FDFT1: variants seen among roughly 807,000 people sequenced by gnomAD.
The protein encoded by FDFT1 is farnesyl-diphosphate farnesyltransferase 1.
FDFT1 carries 68 observed loss-of-function variants against 46.8 expected under a neutral mutation model. The ratio of observed to expected loss-of-function variants is 1.45; its 90% CI spans 1.19 to 1.78. The LOEUF is 1.78. FDFT1 is among the 40% of genes most tolerant of loss of function. The pLI, the probability that FDFT1 is intolerant of heterozygous loss-of-function variation, is 0.00. For missense variants in FDFT1, 928 were observed against 524.4 expected, an observed-to-expected ratio of 1.77 and a Z score of -7.52; for synonymous variants, 351 against 185.1, an observed-to-expected ratio of 1.90 and a Z score of -7.28.
At chr8:11,798,997 G>T (rs1407679195), upstream of FDFT1, among the ~76,000 whole-genome samples, 1 of 152,222 alleles carries the variant, frequency 6.6e-6, no homozygotes, top group Non-Finnish European at 1.5e-5. Context: ...TGCTGACTGG[G>T]TTGGCTAAAC....
intron 7 of FDFT1, among the ~76,000 whole-genome samples, chr8:11,836,152 T>TA (rs34824501): frequency 0.49 from 70,905 of 143,536 alleles, 17,516 homozygotes; most frequent in South Asian, 0.57. Flanking sequence ...GACACCATCT[T>TA]AAAAAAAAAA....
intron 1 of FDFT1, 41 bp downstream of exon 1, chr8:11,802,972 C>A: frequency 6.4e-7 from 1 of 1,560,664 alleles, no homozygotes; most frequent in Non-Finnish European, 8.7e-7. Flanking sequence ...GGGGAAGGAG[C>A]TCGCTGGGCC....
At chr8:11,815,157 T>C (rs1808277521) in intron 3 of FDFT1, among the ~76,000 whole-genome samples, 1 of 152,202 alleles carries the variant, frequency 6.6e-6, no homozygotes, top group South Asian at 2.1e-4. Context: ...CTCAGAATGA[T>C]GATTTCCAGC....
chr8:11,826,408 G>T (rs966293496), intron 5 of FDFT1, among the ~76,000 whole-genome samples, 193 bp downstream of exon 5: 1 of 152,196 alleles, frequency 6.6e-6, no homozygotes, highest in African/African-American at 2.4e-5. Flanking sequence ...TTCACACCAC[G>T]TAATCAGTAT....
chr8:11,836,739 G>A (rs1415903127), intron 7 of FDFT1, among the ~76,000 whole-genome samples: 1 of 152,244 alleles, frequency 6.6e-6, no homozygotes, highest in African/African-American at 2.4e-5. Flanking sequence ...ATGGATGCTT[G>A]TATTGAAAAG....
Position 11,831,378 on chromosome 8 carries a change from A to G in FDFT1, c.880-140A>G, listed in dbSNP as rs142720289. On this transcript the variant is annotated intron_variant, in intron 6 of 7. Transcript: ENST00000220584. ...ATCTTGACATACTTTCTTCGTGGGT[A>G]TTTTTTCTTGAGCGATTCCATCTTA... is the stretch of plus-strand genomic sequence containing the variant. 6.5e-4 allele frequency: 442 copies of G among 675,356 alleles called. 5 individuals are homozygous for G. In the East Asian group the frequency reaches 0.011, roughly 17 times the overall value. 41.8% of individuals were successfully genotyped at this position (675,356 alleles called of 1,614,324 possible).
intron 5 of FDFT1, among the ~76,000 whole-genome samples, chr8:11,827,837 C>T (rs58181209): frequency 0.014 from 2,181 of 151,594 alleles, 68 homozygotes; most frequent in African/African-American, 0.051. Context: ...GCCAGGATAT[C>T]GAGACCAGCC....
rs1161575022 is a variant in FDFT1, at chr8:11,838,594, G to C, written c.1239G>C (p.Gln413His). ...TLSQVTEDYV[Q>H]TGEH is the part of the protein sequence containing the mutation. ...CCCAGGTAACAGAAGACTATGTTCA[G>C]ACTGGAGAACACTGATCCCAAATTT... The change falls in exon 8 of 8, where the codon CAG (glutamine) becomes CAC (histidine). Residue 413 changes from glutamine (Q) to histidine (H), a missense_variant. Gln to His is a conservative substitution (Grantham distance 24). Coordinates refer to ENST00000220584, the MANE Select transcript of FDFT1 (RefSeq NM_004462.5). The C allele has an allele frequency of 1.9e-6, 3 of 1,613,764 alleles. No individual in the cohort carries two copies. The highest frequency in any genetic ancestry group is 1.3e-5 in the African/African-American group (1 of 74,930).
chr8:11,837,939 G>C (rs777499463), intron 7 of FDFT1, among the ~76,000 whole-genome samples: 1 of 152,182 alleles, frequency 6.6e-6, no homozygotes, highest in Admixed American at 6.5e-5. Flanking sequence ...TTCTGTTCCT[G>C]TCCCCCTTTG....
chr8:11,807,083 C>A (rs572812757), intron 1 of FDFT1, among the ~76,000 whole-genome samples: 68 of 117,350 alleles, frequency 5.8e-4, no homozygotes, highest in Non-Finnish European at 1.0e-3. Flanking sequence ...TTCACTGTTA[C>A]CATTCTGAAG....
Position 11,831,692 on chromosome 8 carries a change from T to A in FDFT1, c.1032+22T>A, listed in dbSNP as rs371191390. 8.5e-5 allele frequency: 136 copies of A among 1,590,900 alleles called. 2 individuals carry two copies. In the African/African-American group the frequency reaches 1.7e-3, roughly 20 times the overall value. On this transcript the variant is annotated intron_variant, in intron 7 of 7. Transcript: ENST00000220584. ...AGAGGTGGGTTTTTATTTAACTACT[T>A]GGATAATTTGTAGCTACTTTTATGA... is the stretch of plus-strand genomic sequence containing the variant.
At chr8:11,837,879 G>A (rs368670335) in intron 7 of FDFT1, among the ~76,000 whole-genome samples, 1 of 152,116 alleles carries the variant, frequency 6.6e-6, no homozygotes, top group East Asian at 1.9e-4. Context: ...GTGGAGGAGT[G>A]GGGAGGGAGG....
At chr8:11,827,674 A>G (rs1810191088) in intron 5 of FDFT1, among the ~76,000 whole-genome samples, 1 of 152,224 alleles carries the variant, frequency 6.6e-6, no homozygotes, top group Non-Finnish European at 1.5e-5. Context: ...GATAGTTCAC[A>G]GGAAGAGACA....
chr8:11,803,283 G>T (rs895763510), intron 1 of FDFT1: 1 of 1,325,104 alleles, frequency 7.5e-7, no homozygotes. Context: ...CGCGGGAGAG[G>T]ACGAGTGAGT....
upstream of FDFT1, among the ~76,000 whole-genome samples, chr8:11,800,286 AAAAAAAGG>A (rs1805985036): frequency 6.9e-6 from 1 of 145,560 alleles, no homozygotes; most frequent in African/African-American, 2.5e-5. Context: ...AAAAAAAAAA[AAAAAAAGG>A]CGCTTGAACA....
intron 4 of FDFT1, among the ~76,000 whole-genome samples, chr8:11,825,339 C>A (rs151260597): frequency 6.1e-4 from 92 of 152,008 alleles, no homozygotes; most frequent in African/African-American, 2.2e-3. Context: ...GTCAGGAGTT[C>A]GAGACCAGCG....
upstream of FDFT1, among the ~76,000 whole-genome samples, chr8:11,798,541 G>C (rs1413870933): frequency 1.3e-5 from 2 of 152,240 alleles, no homozygotes; most frequent in African/African-American, 4.8e-5. Flanking sequence ...TTTTGAAGGG[G>C]TGGATATAAG....
Position 11,809,676 on chromosome 8 carries a change from G to C in FDFT1, c.207G>C (p.Val69=). ...QALDGEMRNA[V]CIFYLVLRAL... ...TTTCCCTTTTTTACAGCAACGCAGT[G>C]TGCATATTTTATCTGGTTCTCCGAG... Residue 69 remains valine (V), a synonymous_variant, in exon 3 of 8, where the codon GTG becomes GTC. Transcript: ENST00000220584. 11 of 1,611,946 alleles carry C rather than the reference G, an allele frequency of 6.8e-6. No individual in the cohort carries two copies. Among genetic ancestry groups the C allele is most frequent in the South Asian group, 1.1e-5 (1 of 90,772 alleles).
intron 1 of FDFT1, chr8:11,803,133 C>G (rs764438754): frequency 4.5e-4 from 641 of 1,428,076 alleles, no homozygotes; most frequent in Non-Finnish European, 5.3e-4. Flanking sequence ...TGTCCCTGCC[C>G]CCGCAAGCCG....
Sources: gnomAD v4.1 joint callset for allele counts (sites outside exome capture counted in the v4.1 genomes callset) on GRCh38, gnomAD v4.1.1 for gene constraint, MANE v1.5 for transcripts, NCBI Gene and HGNC (gene_info 2026-07-23, HGNC 2026-07-21) for gene names.